Variants in CDC5L observed in about 807,000 individuals in gnomAD.
CDC5L encodes the protein cell division cycle 5 like, also known as cell division cycle 5-like protein.
CDC5L carries 18 observed loss-of-function variants against 104.1 expected under a neutral mutation model. The ratio of observed to expected loss-of-function variants is 0.17; its 90% CI spans 0.12 to 0.26. CDC5L has a LOEUF of 0.26. Ranked by LOEUF, CDC5L falls within the 10% of genes least tolerant of loss-of-function variation. The pLI is 1.00. For missense variants in CDC5L, 673 were observed against 956.9 expected, an observed-to-expected ratio of 0.70 and a Z score of 3.91; for synonymous variants, 331 against 322.7, an observed-to-expected ratio of 1.03 and a Z score of -0.28.
At chr6:44,442,956 A>G (rs1404510681) in intron 14 of CDC5L, among the ~76,000 whole-genome samples, 2 of 152,046 alleles carry the variant, frequency 1.3e-5, no homozygotes, top group Admixed American at 1.3e-4. Flanking sequence ...AGTCTTTATC[A>G]TCCATTTGGT....
intron 14 of CDC5L, among the ~76,000 whole-genome samples, chr6:44,443,344 T>TA (rs1793301262): frequency 6.6e-6 from 1 of 152,058 alleles, no homozygotes; most frequent in African/African-American, 2.4e-5. Context: ...TCTTTGAATT[T>TA]ATCTTATTTG....
At chr6:44,430,089 GTTTGT>G (rs1304634520) in intron 14 of CDC5L, among the ~76,000 whole-genome samples, 179 bp downstream of exon 14, 1 of 150,448 alleles carries the variant, frequency 6.6e-6, no homozygotes, top group African/African-American at 2.5e-5. Context: ...GTTTTTTTTT[GTTTGT>G]TTTGTTTTTG....
chr6:44,411,637 A>AGAGTGTGTGTGTGTGTGTGTGTGT lies in CDC5L; in HGVS notation c.1092+3006_1092+3007insAGTGTGTGTGTGTGTGTGTGTGTG. Among the ~76,000 whole-genome samples the AGAGTGTGTGTGTGTGTGTGTGTGT allele has an allele frequency of 8.9e-5, 11 of 123,746 alleles. No individual in the cohort carries two copies. In the East Asian group the frequency reaches 4.3e-3, roughly 48 times the overall value. 81.2% of individuals were successfully genotyped at this position (123,746 alleles called of 152,430 possible). On this transcript the variant is annotated intron_variant, in intron 8 of 15. Transcript: ENST00000371477. ...GAGAGAGAGAGAGAGAGAGAGAGAG[A>AGAGTGTGTGTGTGTGTGTGTGTGT]GTGTGTGTGTGTGTGTGACTAAAAA...
Position 44,414,826 on chromosome 6 carries a change from A to G in CDC5L, c.1093-4623A>G, listed in dbSNP as rs896030033. ...CTATCTTTTTCTTTTTTGCTTATGC[A>G]TTTAATCTTATCCAAGAAATTCTTT... On this transcript the variant is annotated intron_variant, in intron 8 of 15. Coordinates refer to ENST00000371477, the MANE Select transcript of CDC5L (RefSeq NM_001253.4). Among the ~76,000 whole-genome samples the G allele has an allele frequency of 6.6e-5, 10 of 152,190 alleles. No individual in the cohort carries two copies. In the South Asian group the frequency reaches 8.3e-4, roughly 13 times the overall value.
rs1204541029 is a variant in CDC5L at position 44,403,804 on chromosome 6, T to C, written c.540-5T>C. On this transcript the variant is annotated splice_region_variant and splice_polypyrimidine_tract_variant and intron_variant, in intron 5 of 15. Coordinates refer to ENST00000371477, the MANE Select transcript of CDC5L (RefSeq NM_001253.4). ...ATTTTCAAAGTGATTTTGCATTCTT[T>C]TCAGACGTCTTGCTGCCCTCCAAAA... 1.9e-6 allele frequency: 3 copies of C among 1,597,766 alleles called. No individual in the cohort carries two copies. Among genetic ancestry groups the C allele is most frequent in the African/African-American group, 1.4e-5 (1 of 73,786 alleles).
intron 14 of CDC5L, among the ~76,000 whole-genome samples, chr6:44,444,915 G>A (rs1361186583): frequency 6.6e-6 from 1 of 152,162 alleles, no homozygotes; most frequent in Non-Finnish European, 1.5e-5. Context: ...GGCTTGGAAA[G>A]TGTCCAGCTG....
At chr6:44,411,676 G>C (rs1791649186) in intron 8 of CDC5L, among the ~76,000 whole-genome samples, 2 of 97,930 alleles carry the variant, frequency 2.0e-5, no homozygotes, top group African/African-American at 7.9e-5. Flanking sequence ...TATAGACTTT[G>C]TTTTTTATTA....
chr6:44,435,703 T>A (rs1346138038), intron 14 of CDC5L: 1 of 152,374 alleles, frequency 6.6e-6, no homozygotes, highest in Non-Finnish European at 1.5e-5. Context: ...AGCCACTCAG[T>A]GATGATGCCA....
chr6:44,415,659 C>T (rs906082263), intron 8 of CDC5L, among the ~76,000 whole-genome samples: 17 of 152,100 alleles, frequency 1.1e-4, no homozygotes, highest in African/African-American at 3.9e-4. Flanking sequence ...ACACCCTTTC[C>T]CTTCTTAAGA....
At position 44,392,726 on chromosome 6, in the gene CDC5L, A is replaced by G. The variant is rs1790677015; in HGVS notation, c.209A>G (p.Lys70Arg). Residue 70 changes from lysine to arginine, a missense_variant, in exon 3 of 16, where the codon AAA becomes AGA. Lys to Arg is a conservative substitution (Grantham distance 26, BLOSUM62 2). Transcript: ENST00000371477. Reference sequence around the variant, plus strand: ...GAATGGTCCAGAGAAGAAGAGGAAAAACTCTTGCACTTGGCCAAGTTGATG... The same window carrying G: ...GAATGGTCCAGAGAAGAAGAGGAAAGACTCTTGCACTTGGCCAAGTTGATG... ...KTEWSREEEE[K>R]LLHLAKLMPT... The G allele has an allele frequency of 1.2e-6, 2 of 1,614,088 alleles. No individual in the cohort carries two copies. The highest frequency in any genetic ancestry group is 8.5e-7 in the Non-Finnish European group (1 of 1,179,976).
intron 11 of CDC5L, among the ~76,000 whole-genome samples, chr6:44,425,491 T>C (rs970528249): frequency 6.6e-6 from 1 of 152,070 alleles, no homozygotes. Context: ...TTTCAGTAGC[T>C]GCAGTCCATT....
rs1792429876 is a variant in CDC5L, at chr6:44,426,496, T to A, written c.1665T>A (p.Ile555=). The A allele has an allele frequency of 6.6e-7, 1 of 1,517,432 alleles. No homozygotes were observed. Among genetic ancestry groups the A allele is most frequent in the Non-Finnish European group, 9.1e-7 (1 of 1,093,488 alleles). The allele number at this position is 1,517,432 out of a possible 1,614,324, so 94.0% of individuals were successfully genotyped here. ...TAAAATTTTAGGTAAATGAAACTAT[T>A]CTAAGACCCTTAAATGTAGAACCGC... ...LPRPSEVNET[I]LRPLNVEPPL... The change falls in exon 13 of 16, where the codon ATT becomes ATA. Residue 555 remains isoleucine, a synonymous_variant. Coordinates refer to ENST00000371477, the MANE Select transcript of CDC5L (RefSeq NM_001253.4).
chr6:44,431,599 G>A (rs1055939349), intron 14 of CDC5L, among the ~76,000 whole-genome samples: 2 of 152,158 alleles, frequency 1.3e-5, no homozygotes, highest in East Asian at 1.9e-4. Flanking sequence ...AACATTTTGT[G>A]CTTTTTTAAA....
chr6:44,446,629 G>T lies in CDC5L; in HGVS notation c.2327G>T (p.Arg776Leu). 6.3e-7 allele frequency: 1 copy of T among 1,579,576 alleles called. No individual in the cohort carries two copies. The highest frequency in any genetic ancestry group is 1.2e-5 in the South Asian group (1 of 85,298). ...RLECLKEDVQ[R>L]QQEREKELQH... is the part of the protein sequence containing the mutation. ...AAGTGTCTAAAAGAAGACGTTCAGC[G>T]ACAACAAGAAAGAGAAAAGGAACTT... Residue 776 changes from arginine (R) to leucine (L), a missense_variant, in exon 16 of 16, where the codon CGA (arginine) becomes CTA (leucine). Around this residue, in one of 4 missense-constraint regions of CDC5L, gnomAD observed 578 missense variants for 737.0 expected, o/e 0.78. Coordinates refer to ENST00000371477, the MANE Select transcript of CDC5L (RefSeq NM_001253.4).
At chr6:44,442,124 A>G (rs1182478725) in intron 14 of CDC5L, among the ~76,000 whole-genome samples, 2 of 151,314 alleles carry the variant, frequency 1.3e-5, no homozygotes, top group African/African-American at 4.9e-5. Context: ...TTTAGTAGAG[A>G]CGGGATTTCA....
At chr6:44,446,370 A>G (rs1793454474) in intron 15 of CDC5L, among the ~76,000 whole-genome samples, 2 of 152,218 alleles carry the variant, frequency 1.3e-5, no homozygotes. Context: ...GGGTATTGAT[A>G]AGACAGTAGT....
intron 9 of CDC5L, among the ~76,000 whole-genome samples, chr6:44,419,832 C>T (rs745568227): frequency 5.9e-4 from 90 of 152,176 alleles, no homozygotes; most frequent in South Asian, 2.1e-3. Context: ...AGTGCAGTAG[C>T]GCGATCTCAG....
In CDC5L at chr6:44,450,412, TTG is replaced by T. The variant is rs1249781971; in HGVS notation, c.*3703_*3704del. ...TTTAAGCAACTTTAAATTAAAAAAA[TTG>T]TTTTTAAAATATATTCTTCCTTTTA... On this transcript the variant is annotated 3_prime_UTR_variant, in exon 16 of 16. Transcript: ENST00000371477. The T allele has an allele frequency of 6.6e-6, 1 of 152,208 alleles. No individual in the cohort carries two copies. Among genetic ancestry groups the T allele is most frequent in the African/African-American group, 2.4e-5 (1 of 41,464 alleles). The allele number at this position is 152,208 out of a possible 1,614,324, so 9.4% of individuals were successfully genotyped here.
chr6:44,409,003 C>T (rs371919857), intron 8 of CDC5L, among the ~76,000 whole-genome samples: 1 of 152,210 alleles, frequency 6.6e-6, no homozygotes, highest in Non-Finnish European at 1.5e-5. Context: ...CGCAGTTCTA[C>T]TTTCTTCCCT....
Sources: allele counts gnomAD v4.1 joint callset (sites outside exome capture counted in the v4.1 genomes callset), GRCh38; gene constraint gnomAD v4.1.1; regional missense constraint gnomAD v4.1.1; transcripts MANE v1.5; gene names NCBI Gene and HGNC (gene_info 2026-07-23, HGNC 2026-07-21).